GIMAP5: variants seen among roughly 807,000 people sequenced by gnomAD.
GIMAP5 encodes GTPase, IMAP family member 5.
In GIMAP5, 8 loss-of-function variants were observed where a neutral mutation model predicts 9.9. The ratio of observed to expected loss-of-function variants is 0.81; its 90% confidence interval spans 0.47 to 1.45. The LOEUF (loss-of-function observed/expected upper bound fraction) is 1.45, where lower values mean the gene tolerates loss of function less well. GIMAP5 is among the 40% of genes most tolerant of loss of function. The pLI is 0.00. For synonymous variants in GIMAP5, 174 were observed against 151.4 expected, an observed-to-expected ratio of 1.15 and a Z score of -1.09; for missense variants, 353 against 367.4, an observed-to-expected ratio of 0.96 and a Z score of 0.32.
intron 1 of GIMAP5, chr7:150,740,645 T>C (rs906235683): frequency 5.7e-5 from 24 of 420,514 alleles, no homozygotes; most frequent in African/African-American, 4.7e-4. Context: ...TTCTGTAAGT[T>C]GAGGGGAGGG....
rs1275105663 is a variant in GIMAP5 at position 150,743,105 on chromosome 7, A to G, written c.*42A>G. ...GCACTTCTAATGTATCACCCCATGGAGTCATTGTTCTAATAATCACCAATT... is the reference window on the plus strand; with the variant it reads ...GCACTTCTAATGTATCACCCCATGGGGTCATTGTTCTAATAATCACCAATT... On this transcript the variant is annotated 3_prime_UTR_variant, in exon 3 of 3. Coordinates refer to ENST00000358647, the MANE Select transcript of GIMAP5 (RefSeq NM_018384.5). 2 of 1,558,394 alleles carry G rather than the reference A, an allele frequency of 1.3e-6. No individual in the cohort carries two copies. Among genetic ancestry groups the G allele is most frequent in the Non-Finnish European group, 1.7e-6 (2 of 1,153,198 alleles).
intron 1 of GIMAP5, chr7:150,738,570 T>C (rs1797550229): frequency 6.6e-6 from 1 of 152,240 alleles, no homozygotes; most frequent in African/African-American, 2.4e-5. Context: ...ATGTGCATTT[T>C]GTTCATTTGC....
chr7:150,741,010 C>A, intron 2 of GIMAP5, 83 bp downstream of exon 2: 1 of 1,447,366 alleles, frequency 6.9e-7, no homozygotes, highest in Non-Finnish European at 9.6e-7. Context: ...ATCTAAAACA[C>A]AGTGGCAGAA....
At chr7:150,741,873 C>G (rs1161051921) in intron 2 of GIMAP5, among the ~76,000 whole-genome samples, 12 of 152,198 alleles carry the variant, frequency 7.9e-5, no homozygotes, top group Admixed American at 7.8e-4. Flanking sequence ...GCCTAAACAC[C>G]ACGCAGGGGA....
At chr7:150,738,915 C>T (rs530167512) in intron 1 of GIMAP5, 1 of 152,176 alleles carries the variant, frequency 6.6e-6, no homozygotes, top group Non-Finnish European at 1.5e-5. Flanking sequence ...TGAATATCTG[C>T]CAAAAAATGT....
Position 150,742,393 on chromosome 7 carries a change from C to T in GIMAP5, c.254C>T (p.Ser85Phe). The T allele has an allele frequency of 6.2e-7, 1 of 1,614,092 alleles. No homozygotes were observed. The highest frequency in any genetic ancestry group is 8.5e-7 in the Non-Finnish European group (1 of 1,179,990). ...AAAGTCCTGGTGGTTGACACGCCCT[C>T]CATCTTTGAGTCACAGGCCGATACC... ...GRKVLVVDTP[S>F]IFESQADTQE... is the part of the protein sequence containing the mutation. Residue 85 changes from serine (S) to phenylalanine (F), a missense_variant, in exon 3 of 3, where the codon TCC becomes TTC. Physicochemically the swap from Ser to Phe is radical, Grantham distance 155. Coordinates refer to ENST00000358647, the MANE Select transcript of GIMAP5 (RefSeq NM_018384.5).
chr7:150,739,097 A>C (rs1174892270), intron 1 of GIMAP5: 1 of 152,234 alleles, frequency 6.6e-6, no homozygotes, highest in Non-Finnish European at 1.5e-5. Context: ...TTTATTTTTG[A>C]ATAACCTTTT....
At chr7:150,737,941 G>A (rs1797540218) in intron 1 of GIMAP5, 4 of 570,816 alleles carry the variant, frequency 7.0e-6, no homozygotes, top group East Asian at 3.0e-5. Flanking sequence ...CCAGGACAGC[G>A]GGCTTTGCTG....
At position 150,743,139 on chromosome 7, in the gene GIMAP5, GATCCTC is replaced by G; in HGVS notation, c.*77_*82del. 6.6e-7 allele frequency: 1 copy of G among 1,515,824 alleles called. No individual in the cohort carries two copies. The highest frequency in any genetic ancestry group is 8.8e-7 in the Non-Finnish European group (1 of 1,130,860). 93.9% of individuals were successfully genotyped at this position (1,515,824 alleles called of 1,614,324 possible). On this transcript the variant is annotated 3_prime_UTR_variant, in exon 3 of 3. Coordinates refer to ENST00000358647, the MANE Select transcript of GIMAP5 (RefSeq NM_018384.5). ...TCTAATAATCACCAATTCAGACTCA[GATCCTC>G]GTGGTCTATGGAGCATGCTGCTTGC... is the stretch of plus-strand genomic sequence containing the variant.
At chr7:150,740,712 A>G in intron 1 of GIMAP5, 167 bp from the exon 2 acceptor site, 3 of 632,334 alleles carry the variant, frequency 4.7e-6, no homozygotes, top group South Asian at 4.1e-5. Flanking sequence ...TGCTTTGTTT[A>G]AAGTTATTTA....
chr7:150,742,728 A>G lies in GIMAP5; in HGVS notation c.589A>G (p.Arg197Gly). 3 of 1,614,184 alleles carry G rather than the reference A, an allele frequency of 1.9e-6. No individual in the cohort carries two copies. The Admixed American group carries it at 5.0e-5, about 27-fold the overall frequency. ...FNNWGSVEEQ[R>G]QQQAELLAVI... ...CAACTGGGGCTCTGTGGAGGAGCAGAGGCAGCAGCAGGCAGAGCTCCTGGC... is the reference window on the plus strand; with the variant it reads ...CAACTGGGGCTCTGTGGAGGAGCAGGGGCAGCAGCAGGCAGAGCTCCTGGC... Residue 197 changes from arginine (R) to glycine (G), a missense_variant, in exon 3 of 3, where the codon AGG becomes GGG. Physicochemically the swap from Arg to Gly is moderately radical, Grantham distance 125. Transcript: ENST00000358647.
intron 1 of GIMAP5, chr7:150,739,652 C>G (rs13227950): frequency 6.6e-6 from 1 of 150,932 alleles, no homozygotes; most frequent in African/African-American, 2.4e-5. Context: ...TTACCAGAGA[C>G]GAGAACAGGG....
rs191442646 is a variant in GIMAP5 at position 150,743,068 on chromosome 7, C to G, written c.*5C>G. 11,034 of 1,601,638 alleles carry G rather than the reference C, an allele frequency of 6.9e-3. 753 individuals are homozygous for G. The South Asian group carries it at 0.12, about 17-fold the overall frequency. On this transcript the variant is annotated 3_prime_UTR_variant, in exon 3 of 3. Coordinates refer to ENST00000358647, the MANE Select transcript of GIMAP5 (RefSeq NM_018384.5). ...TTCATCTTTCATTACATTTAAATCTCTGGACCCTGGAGCACTTCTAATGTA... is the reference window on the plus strand; with the variant it reads ...TTCATCTTTCATTACATTTAAATCTGTGGACCCTGGAGCACTTCTAATGTA...
chr7:150,738,767 C>T (rs1205630679), intron 1 of GIMAP5: 1 of 152,206 alleles, frequency 6.6e-6, no homozygotes, highest in Non-Finnish European at 1.5e-5. Context: ...GCCCTGTAGA[C>T]CAACACGTAT....
In GIMAP5 at chr7:150,742,201, T is replaced by G. The variant is rs773703342; in HGVS notation, c.62T>G (p.Leu21Trp). Residue 21 changes from leucine to tryptophan, a missense_variant, in exon 3 of 3, where the codon TTG becomes TGG. By Grantham distance (61) the Leu-to-Trp change is moderately conservative. Transcript: ENST00000358647. ...TCTACAGGTAGATCAGAAGATAACT[T>G]GTCTGCAACACCACCGGCATTGAGG... ...TMAEGRSEDN[L>W]SATPPALRII... 1.2e-6 allele frequency: 2 copies of G among 1,613,798 alleles called. No individual in the cohort carries two copies. Among genetic ancestry groups the G allele is most frequent in the East Asian group, 4.5e-5 (2 of 44,890 alleles).
chr7:150,741,922 G>A (rs1344758549), intron 2 of GIMAP5, among the ~76,000 whole-genome samples: 1 of 152,204 alleles, frequency 6.6e-6, no homozygotes, highest in African/African-American at 2.4e-5. Flanking sequence ...AGCTCTATTT[G>A]CCACAATCCA....
Position 150,742,278 on chromosome 7 carries a change from A to C in GIMAP5, c.139A>C (p.Ile47Leu). 1.2e-6 allele frequency: 2 copies of C among 1,614,248 alleles called. No homozygotes were observed. The highest frequency in any genetic ancestry group is 1.7e-6 in the Non-Finnish European group (2 of 1,180,034). ...CGGGAAAAGTGCCACAGGGAACAGC[A>C]TCCTTGGCCAGCCCGTGTTTGAGTC... ...GCGKSATGNS[I>L]LGQPVFESKL... The change falls in exon 3 of 3, where the codon ATC (isoleucine) becomes CTC (leucine). Residue 47 changes from isoleucine to leucine, a missense_variant. Coordinates refer to ENST00000358647, the MANE Select transcript of GIMAP5 (RefSeq NM_018384.5).
intron 1 of GIMAP5, chr7:150,739,480 A>G (rs1000877406): frequency 1.3e-5 from 2 of 152,252 alleles, no homozygotes; most frequent in Non-Finnish European, 2.9e-5. Context: ...ATGTATTCAC[A>G]GAGGCTTATT....
At chr7:150,738,095 C>T (rs775068134) in intron 1 of GIMAP5, 15 of 205,952 alleles carry the variant, frequency 7.3e-5, no homozygotes, top group Non-Finnish European at 1.3e-4. Flanking sequence ...CCTAGCATGC[C>T]GGGGCATTCT....
Sources: allele counts gnomAD v4.1 joint callset (sites outside exome capture counted in the v4.1 genomes callset), GRCh38; gene constraint gnomAD v4.1.1; transcripts MANE v1.5; gene names NCBI Gene and HGNC (gene_info 2026-07-23, HGNC 2026-07-21).